Variants in CACNA1E observed in about 807,000 individuals in gnomAD.
CACNA1E encodes the protein voltage-dependent R-type calcium channel subunit alpha-1E.
In CACNA1E, 40 loss-of-function variants were observed where a neutral mutation model predicts 259.2. The observed-to-expected ratio is 0.15, with a 90% CI of 0.12 to 0.20. CACNA1E has a LOEUF of 0.20. CACNA1E is among the 10% of genes least tolerant of loss of function. The probability of loss-of-function intolerance (pLI) is 1.00; values close to 1 mark genes in which losing one functional copy is unlikely to be tolerated. For missense variants in CACNA1E, 1,874 were observed against 3,040.1 expected, an observed-to-expected ratio of 0.62 and a Z score of 9.02; for synonymous variants, 1,104 against 1,138.5, an observed-to-expected ratio of 0.97 and a Z score of 0.61.
intron 3 of CACNA1E, among the ~76,000 whole-genome samples, chr1:181,535,588 C>T (rs1246906723): frequency 6.6e-6 from 1 of 152,052 alleles, no homozygotes; most frequent in Non-Finnish European, 1.5e-5. Context: ...TACACCCATA[C>T]CCATGCACAT....
intron 10 of CACNA1E, among the ~76,000 whole-genome samples, chr1:181,716,539 C>T (rs1289550399): frequency 6.6e-6 from 1 of 152,164 alleles, no homozygotes; most frequent in Non-Finnish European, 1.5e-5. Flanking sequence ...ACAACAGTAG[C>T]CCCCACCTAC....
chr1:181,405,269 C>T (rs1023848835), intron 1 of CACNA1E, among the ~76,000 whole-genome samples: 1 of 152,204 alleles, frequency 6.6e-6, no homozygotes, highest in Non-Finnish European at 1.5e-5. Flanking sequence ...GGGATTGATA[C>T]TTGAGAAATG....
intron 6 of CACNA1E, among the ~76,000 whole-genome samples, chr1:181,644,721 T>C (rs1658106239): frequency 6.6e-6 from 1 of 152,142 alleles, no homozygotes; most frequent in South Asian, 2.1e-4. Flanking sequence ...CCTAAAGGTA[T>C]GTGAGGGAAG....
At chr1:181,362,025 C>T (rs1018025427) in intron 1 of CACNA1E, among the ~76,000 whole-genome samples, 1 of 152,198 alleles carries the variant, frequency 6.6e-6, no homozygotes, top group African/African-American at 2.4e-5. Flanking sequence ...TTGCCTTCTC[C>T]GAGCTTGTTT....
At chr1:181,562,123 A>T (rs546819981) in intron 3 of CACNA1E, among the ~76,000 whole-genome samples, 10 of 151,954 alleles carry the variant, frequency 6.6e-5, no homozygotes, top group Admixed American at 4.6e-4. Flanking sequence ...ATGATTTTTA[A>T]ATTTTTTGCT....
intron 3 of CACNA1E, among the ~76,000 whole-genome samples, chr1:181,564,395 A>G (rs182455088): frequency 4.8e-4 from 73 of 152,332 alleles, no homozygotes; most frequent in African/African-American, 1.6e-3. Context: ...TTGCTTATTC[A>G]TAAGAAGCAG....
intron 7 of CACNA1E, among the ~76,000 whole-genome samples, chr1:181,709,197 C>T (rs537148033): frequency 1.3e-5 from 2 of 152,320 alleles, no homozygotes; most frequent in South Asian, 2.1e-4. Context: ...CCCCTTGTTA[C>T]TTTCAAATTT....
Position 181,734,610 on chromosome 1 carries a change from C to T in CACNA1E, c.3262+860C>T, listed in dbSNP as rs550501804. Among the ~76,000 whole-genome samples the T allele has an allele frequency of 8.5e-4, 122 of 144,102 alleles. 1 individual carries two copies. Among genetic ancestry groups the T allele is most frequent in the South Asian group, 6.3e-3 (27 of 4,258 alleles). The allele number at this position is 144,102 out of a possible 152,430, so 94.5% of individuals were successfully genotyped here. ...TCTACACCCTATCCTTGCCCTGACC[C>T]CACACCCCATCCCTGCGCTGACCCC... On this transcript the variant is annotated intron_variant, in intron 21 of 47. Transcript: ENST00000367573.
At chr1:181,596,147 G>C (rs543571554) in intron 6 of CACNA1E, among the ~76,000 whole-genome samples, 5 of 152,126 alleles carry the variant, frequency 3.3e-5, no homozygotes, top group African/African-American at 9.7e-5. Context: ...GAAACACAAC[G>C]TGGCTTATTT....
chr1:181,643,682 G>A (rs1253306966), intron 6 of CACNA1E, among the ~76,000 whole-genome samples: 1 of 152,158 alleles, frequency 6.6e-6, no homozygotes, highest in African/African-American at 2.4e-5. Context: ...CCTCCTCTTT[G>A]CCAAACACTC....
intron 7 of CACNA1E, among the ~76,000 whole-genome samples, chr1:181,690,004 C>T (rs1464512160): frequency 1.3e-5 from 2 of 152,184 alleles, no homozygotes; most frequent in African/African-American, 2.4e-5. Context: ...TCAATTTTGG[C>T]TTTTGTTGCC....
At chr1:181,391,450 T>C (rs1656269975) in intron 1 of CACNA1E, among the ~76,000 whole-genome samples, 1 of 152,058 alleles carries the variant, frequency 6.6e-6, no homozygotes, top group Non-Finnish European at 1.5e-5. Flanking sequence ...ATGTTTACAC[T>C]GGAGGCACCC....
chr1:181,732,033 C>T lies in CACNA1E; in HGVS notation c.2298-351C>T, dbSNP rs1655532587. ...CCGTTGAGTGTGTACAAGCAGATGC[C>T]CCGAAAGCAAGGAGAGCAGGGGAGT... On this transcript the variant is annotated intron_variant, in intron 19 of 47. Coordinates refer to ENST00000367573, the MANE Select transcript of CACNA1E (RefSeq NM_001205293.3). The surrounding 1 kb of genome is among the most constrained non-coding windows in gnomAD (Gnocchi z 5.5). 6.6e-6 allele frequency among the ~76,000 whole-genome samples: 1 copy of T among 151,658 alleles called. No homozygotes were observed. Among genetic ancestry groups the T allele is most frequent in the Non-Finnish European group, 1.5e-5 (1 of 67,956 alleles).
chr1:181,577,323 C>T (rs905965479), intron 3 of CACNA1E, among the ~76,000 whole-genome samples: 5 of 152,124 alleles, frequency 3.3e-5, no homozygotes, highest in Non-Finnish European at 7.3e-5. Context: ...GAGTGAGTTA[C>T]TTTTTTACTG....
chr1:181,514,822 G>T (rs1161822361), intron 3 of CACNA1E, among the ~76,000 whole-genome samples: 1 of 152,174 alleles, frequency 6.6e-6, no homozygotes, highest in Non-Finnish European at 1.5e-5. Flanking sequence ...ACCACATTCT[G>T]CCTGTGACCT....
chr1:181,615,369 T>C (rs1572385781), intron 6 of CACNA1E, among the ~76,000 whole-genome samples: 1 of 152,260 alleles, frequency 6.6e-6, no homozygotes, highest in East Asian at 1.9e-4. Context: ...TTTGTATTTT[T>C]AGTCGAGATG....
chr1:181,354,944 G>C (rs936104981), intron 1 of CACNA1E, among the ~76,000 whole-genome samples: 6 of 152,246 alleles, frequency 3.9e-5, no homozygotes, highest in Non-Finnish European at 8.8e-5. Context: ...CAGGAACTCA[G>C]GCTGTGTTCA....
At chr1:181,343,994 T>C (rs906730531) in intron 1 of CACNA1E, among the ~76,000 whole-genome samples, 1 of 152,130 alleles carries the variant, frequency 6.6e-6, no homozygotes, top group Non-Finnish European at 1.5e-5. Context: ...CACCCTTCAA[T>C]CAGCTTGCAT....
chr1:181,320,935 T>C (rs1650291454), intron 1 of CACNA1E, among the ~76,000 whole-genome samples: 1 of 152,224 alleles, frequency 6.6e-6, no homozygotes, highest in Admixed American at 6.5e-5. Context: ...GTTATGGCTC[T>C]GCAGGCTGTA....
Sources: gnomAD v4.1 joint callset for allele counts (sites outside exome capture counted in the v4.1 genomes callset) on GRCh38, gnomAD v4.1.1 for gene constraint, Gnocchi (gnomAD v3.1) non-coding constraint, MANE v1.5 for transcripts, NCBI Gene and HGNC (gene_info 2026-07-23, HGNC 2026-07-21) for gene names.